Variants in SEC31A observed in about 807,000 individuals in gnomAD.
SEC31A encodes SEC31 homolog A, COPII component.
Under a neutral mutation model 151.0 loss-of-function variants are expected in SEC31A, and 70 were observed. The ratio of observed to expected loss-of-function variants is 0.46; its 90% CI spans 0.38 to 0.57. The LOEUF is 0.57. SEC31A is among the 20% of genes least tolerant of loss of function. The pLI is 0.00. For synonymous variants in SEC31A, 475 were observed against 505.9 expected (o/e 0.94, Z 0.82); for missense variants, 1,330 against 1,471.2 (o/e 0.90, Z 1.57).
In SEC31A at chr4:82,842,165, A is replaced by C. The variant is rs1381435416; in HGVS notation, c.2943T>G (p.Ser981Arg). The C allele has an allele frequency of 1.3e-6, 2 of 1,571,018 alleles. No individual in the cohort carries two copies. The highest frequency in any genetic ancestry group is 3.6e-5 in the Admixed American group (2 of 55,594). ...PGTTGTLPAASELPASQRTGP... is the reference protein window; with the variant it reads ...PGTTGTLPAARELPASQRTGP... ...CTGTTCTTTGGGACGCAGGCAGCTC[A>C]CTGGCAGCAGGCAGTGTACCTGTTG... Residue 981 changes from serine to arginine, a missense_variant, in exon 22 of 27, where the codon AGT becomes AGG. Transcript: ENST00000395310.
chr4:82,819,906 C>T (rs1722945798), intron 26 of SEC31A, among the ~76,000 whole-genome samples: 1 of 151,846 alleles, frequency 6.6e-6, no homozygotes, highest in African/African-American at 2.4e-5. Context: ...GGACTACAGC[C>T]GTGTGCCACC....
rs556414245 is a variant in SEC31A, at chr4:82,868,818, C to T, written c.883-1502G>A. On this transcript the variant is annotated intron_variant, in intron 8 of 26. Coordinates refer to ENST00000395310, the MANE Select transcript of SEC31A (RefSeq NM_001077207.4). Reference sequence around the variant, plus strand: ...TCAAGCGATCCTCCTATGTCAGCCTCCCGAGTGGCTAGGACTACAGAACAC... The same window carrying T: ...TCAAGCGATCCTCCTATGTCAGCCTTCCGAGTGGCTAGGACTACAGAACAC... 4.6e-5 allele frequency among the ~76,000 whole-genome samples: 7 copies of T among 152,096 alleles called. No individual in the cohort carries two copies. The East Asian group carries it at 1.2e-3, about 25-fold the overall frequency.
At chr4:82,845,353 A>G in intron 20 of SEC31A, 4 of 993,512 alleles carry the variant, frequency 4.0e-6, no homozygotes, top group Non-Finnish European at 1.4e-6. Context: ...TTAAAAGAAG[A>G]AAAAAACCCC....
chr4:82,859,437 T>C (rs979244098), intron 14 of SEC31A, among the ~76,000 whole-genome samples: 4 of 152,232 alleles, frequency 2.6e-5, no homozygotes, highest in Admixed American at 2.6e-4. Flanking sequence ...TATCAGAGAT[T>C]AGAGATAAAT....
chr4:82,842,111 G>A lies in SEC31A; in HGVS notation c.2968+29C>T, dbSNP rs563450755. Reference sequence around the variant, plus strand: ...TGTTCATAAACAAATAAAGGAGGGGGCCAAACCAAATCCCTTTCAAGCGCA... The same window carrying A: ...TGTTCATAAACAAATAAAGGAGGGGACCAAACCAAATCCCTTTCAAGCGCA... On this transcript the variant is annotated intron_variant, in intron 22 of 26. Coordinates refer to ENST00000395310, the MANE Select transcript of SEC31A (RefSeq NM_001077207.4). 5.2e-5 allele frequency: 79 copies of A among 1,506,800 alleles called. No homozygotes were observed. The African/African-American group carries it at 8.4e-4, about 16-fold the overall frequency. 93.3% of individuals were successfully genotyped at this position (1,506,800 alleles called of 1,614,324 possible).
At chr4:82,819,372 T>C (rs1316037356) in intron 26 of SEC31A, 119 bp from the exon 27 acceptor site, 2 of 708,772 alleles carry the variant, frequency 2.8e-6, no homozygotes, top group Non-Finnish European at 4.2e-6. Flanking sequence ...TATAAAAATA[T>C]ATAAACCATT....
intron 1 of SEC31A, among the ~76,000 whole-genome samples, chr4:82,888,719 TGAG>T (rs2125957608): frequency 6.6e-6 from 1 of 152,028 alleles, no homozygotes; most frequent in South Asian, 2.1e-4. Context: ...AAAAATTTCT[TGAG>T]GAAAATTTAT....
intron 20 of SEC31A, among the ~76,000 whole-genome samples, chr4:82,846,056 T>C (rs1730063081): frequency 6.6e-6 from 1 of 152,128 alleles, no homozygotes; most frequent in African/African-American, 2.4e-5. Flanking sequence ...TAGGCTGAAG[T>C]GCAGTGGTGC....
chr4:82,847,267 C>T (rs1730438047), intron 20 of SEC31A, among the ~76,000 whole-genome samples: 1 of 152,136 alleles, frequency 6.6e-6, no homozygotes, highest in South Asian at 2.1e-4. Context: ...CCTGATCTGG[C>T]CTCTCTCACC....
chr4:82,824,053 A>G (rs1724008546), intron 25 of SEC31A, among the ~76,000 whole-genome samples: 1 of 152,164 alleles, frequency 6.6e-6, no homozygotes, highest in Non-Finnish European at 1.5e-5. Context: ...GATTAAGTAC[A>G]TTTATATATA....
intron 1 of SEC31A, among the ~76,000 whole-genome samples, chr4:82,882,866 G>T (rs891775597): frequency 1.3e-5 from 2 of 152,190 alleles, no homozygotes; most frequent in Non-Finnish European, 2.9e-5. Context: ...GCTTGCAATC[G>T]CAGCACTTTG....
chr4:82,873,157 G>C (rs1225724777), intron 6 of SEC31A, among the ~76,000 whole-genome samples: 1 of 152,096 alleles, frequency 6.6e-6, no homozygotes, highest in Non-Finnish European at 1.5e-5. Flanking sequence ...TCAGGAGTTT[G>C]AGACCAGTCT....
At chr4:82,858,116 T>C (rs1198090493) in intron 14 of SEC31A, 1 of 177,700 alleles carries the variant, frequency 5.6e-6, no homozygotes, top group East Asian at 1.7e-4. Flanking sequence ...CCATATCTAC[T>C]AAAAATACAA....
chr4:82,862,165 G>T (rs1196139954), intron 13 of SEC31A, among the ~76,000 whole-genome samples: 1 of 149,314 alleles, frequency 6.7e-6, no homozygotes, highest in Non-Finnish European at 1.5e-5. Context: ...CACCTGCCTC[G>T]GCCTCCCAAA....
intron 23 of SEC31A, among the ~76,000 whole-genome samples, chr4:82,828,345 A>G (rs1410697633): frequency 6.6e-6 from 1 of 152,242 alleles, no homozygotes; most frequent in Non-Finnish European, 1.5e-5. Flanking sequence ...TGGCAATTCT[A>G]TCACACTAAA....
intron 7 of SEC31A, chr4:82,871,631 C>G (rs930520363): frequency 3.7e-6 from 2 of 542,206 alleles, no homozygotes; most frequent in Admixed American, 6.8e-5. Context: ...TGAAAATTAG[C>G]TGGGCGTGGT....
intron 10 of SEC31A, among the ~76,000 whole-genome samples, chr4:82,865,297 T>C (rs1282059956): frequency 6.6e-6 from 1 of 152,028 alleles, no homozygotes; most frequent in African/African-American, 2.4e-5. Context: ...TGTGCACCAC[T>C]AGTGAGAATG....
intron 4 of SEC31A, among the ~76,000 whole-genome samples, 169 bp downstream of exon 4, chr4:82,878,561 T>C (rs902525375): frequency 6.6e-6 from 1 of 152,178 alleles, no homozygotes. Flanking sequence ...GTAGTATTTT[T>C]AACCCTGATC....
intron 6 of SEC31A, among the ~76,000 whole-genome samples, chr4:82,873,213 C>T (rs1168174387): frequency 6.6e-6 from 1 of 151,918 alleles, no homozygotes; most frequent in Non-Finnish European, 1.5e-5. Flanking sequence ...CAAAAATTCG[C>T]CAGGTATGGT....
Sources: gnomAD v4.1 joint callset for allele counts (sites outside exome capture counted in the v4.1 genomes callset) on GRCh38, gnomAD v4.1.1 for gene constraint, MANE v1.5 for transcripts, NCBI Gene and HGNC (gene_info 2026-07-23, HGNC 2026-07-21) for gene names.